Variants in KCNH1 observed in about 807,000 individuals in gnomAD.
KCNH1 encodes the protein potassium voltage-gated channel subfamily H member 1, also known as voltage-gated delayed rectifier potassium channel KCNH1.
In KCNH1, 27 loss-of-function variants were observed where a neutral mutation model predicts 69.2. The observed-to-expected ratio is 0.39, with a 90% confidence interval of 0.29 to 0.54. The LOEUF is 0.54. Ranked by LOEUF, KCNH1 falls within the 20% of genes least tolerant of loss-of-function variation. KCNH1 has a pLI of 0.68. For synonymous variants in KCNH1, 456 were observed against 487.7 expected, an observed-to-expected ratio of 0.93 and a Z score of 0.86; for missense variants, 798 against 1,261.6, an observed-to-expected ratio of 0.63 and a Z score of 5.57.
chr1:210,860,168 T>C (rs1354606744), intron 7 of KCNH1: 9 of 1,168,116 alleles, frequency 7.7e-6, no homozygotes, highest in South Asian at 1.2e-5. Context: ...AGAAGTGTCT[T>C]GGTATCAACT....
At chr1:210,900,514 C>T (rs944535069) in intron 7 of KCNH1, among the ~76,000 whole-genome samples, 4 of 152,174 alleles carry the variant, frequency 2.6e-5, no homozygotes, top group Non-Finnish European at 5.9e-5. Context: ...AGGTGTGAAG[C>T]ACTTGGGTAT....
intron 10 of KCNH1, among the ~76,000 whole-genome samples, chr1:210,735,455 TG>T (rs1682856184): frequency 6.8e-6 from 1 of 147,144 alleles, no homozygotes; most frequent in African/African-American, 2.6e-5. Flanking sequence ...TGTGTGTGTG[TG>T]TGTGTGTGTG....
intron 1 of KCNH1, among the ~76,000 whole-genome samples, chr1:211,119,083 G>A (rs1479738400): frequency 5.3e-5 from 8 of 152,130 alleles, no homozygotes; most frequent in Admixed American, 3.3e-4. Context: ...GTTTGAGGCC[G>A]GGCGCGGTGG....
At chr1:210,911,760 T>C (rs745778161) in intron 7 of KCNH1, among the ~76,000 whole-genome samples, 1 of 152,102 alleles carries the variant, frequency 6.6e-6, no homozygotes, top group Non-Finnish European at 1.5e-5. Context: ...TGTTGTAAAT[T>C]CCTCTGCCCA....
chr1:210,807,430 C>A (rs1427304141), intron 7 of KCNH1, among the ~76,000 whole-genome samples: 1 of 151,992 alleles, frequency 6.6e-6, no homozygotes, highest in Admixed American at 6.6e-5. Flanking sequence ...CATGGCAAAG[C>A]CCTGTCTCTA....
intron 6 of KCNH1, among the ~76,000 whole-genome samples, chr1:210,943,201 A>G (rs1033016929): frequency 3.9e-5 from 6 of 152,198 alleles, no homozygotes; most frequent in Admixed American, 2.0e-4. Context: ...CAATGAAATC[A>G]AAGTCTCCAT....
intron 6 of KCNH1, among the ~76,000 whole-genome samples, chr1:211,009,056 C>T (rs566373845): frequency 8.5e-5 from 13 of 152,260 alleles, no homozygotes; most frequent in Non-Finnish European, 1.8e-4. Context: ...TACCCCAAGG[C>T]CAGCAAGAGG....
chr1:210,918,265 A>T (rs1687388543), intron 7 of KCNH1, among the ~76,000 whole-genome samples: 1 of 152,236 alleles, frequency 6.6e-6, no homozygotes, highest in African/African-American at 2.4e-5. Flanking sequence ...TGGTCAGTAT[A>T]ACAATTTGTC....
intron 5 of KCNH1, among the ~76,000 whole-genome samples, chr1:211,039,122 G>A (rs1443769777): frequency 6.6e-6 from 1 of 152,208 alleles, no homozygotes; most frequent in African/African-American, 2.4e-5. Context: ...TTGGTGTCCT[G>A]TGTCCCAGCT....
At chr1:210,735,357 G>A (rs1262944546) in intron 10 of KCNH1, among the ~76,000 whole-genome samples, 1 of 151,774 alleles carries the variant, frequency 6.6e-6, no homozygotes, top group East Asian at 1.9e-4. Context: ...ATTCATCTCT[G>A]TATGTCTTTT....
intron 9 of KCNH1, among the ~76,000 whole-genome samples, chr1:210,784,430 C>T (rs1027896544): frequency 1.3e-5 from 2 of 152,140 alleles, no homozygotes; most frequent in East Asian, 1.9e-4. Flanking sequence ...AACTTGTTTT[C>T]GCATGTAAGT....
At chr1:210,855,835 A>G (rs1372831494) in intron 7 of KCNH1, among the ~76,000 whole-genome samples, 1 of 152,178 alleles carries the variant, frequency 6.6e-6, no homozygotes, top group African/African-American at 2.4e-5. Flanking sequence ...GCAGTGATTC[A>G]TTCCACCTGC....
chr1:211,075,107 T>C (rs1253052525), intron 5 of KCNH1, among the ~76,000 whole-genome samples: 1 of 151,938 alleles, frequency 6.6e-6, no homozygotes, highest in Non-Finnish European at 1.5e-5. Context: ...AGGGGAGAGA[T>C]GTAGGAGAGG....
chr1:210,902,135 G>C (rs1687008812), intron 7 of KCNH1, among the ~76,000 whole-genome samples: 1 of 152,138 alleles, frequency 6.6e-6, no homozygotes, highest in Non-Finnish European at 1.5e-5. Context: ...GAGGGAAGAG[G>C]AGAGGGCACC....
intron 7 of KCNH1, among the ~76,000 whole-genome samples, chr1:210,916,446 C>T (rs935743278): frequency 3.9e-5 from 6 of 152,184 alleles, no homozygotes; most frequent in Admixed American, 2.0e-4. Context: ...ACTACAACAA[C>T]AAACAAGCAA....
rs1681326110 is a variant in KCNH1 at position 210,683,503 on chromosome 1, G to A, written c.2748C>T (p.Pro916=). ...ILAEVKHSFY[P]IPEQTLQATV... is the part of the protein sequence containing the mutation. The stretch of plus-strand genomic sequence containing the variant: ...TGGCCTGCAGCGTCTGCTCAGGGAT[G>A]GGGTAGAACGAATGCTTGACCTCTG... The change falls in exon 11 of 11, where the codon CCC becomes CCT. Residue 916 remains proline (P), a synonymous_variant. Coordinates refer to ENST00000271751, the MANE Select transcript of KCNH1 (RefSeq NM_172362.3). The surrounding 1 kb of genome is among the most constrained non-coding windows in gnomAD (Gnocchi z 5.7). 1.2e-6 allele frequency: 2 copies of A among 1,614,046 alleles called. No homozygotes were observed. The highest frequency in any genetic ancestry group is 8.5e-7 in the Non-Finnish European group (1 of 1,180,022).
At chr1:211,065,492 T>C (rs2102453067) in intron 5 of KCNH1, among the ~76,000 whole-genome samples, 1 of 152,030 alleles carries the variant, frequency 6.6e-6, no homozygotes, top group Non-Finnish European at 1.5e-5. Flanking sequence ...AGAGGGAAGG[T>C]TGGGGATGAT....
intron 6 of KCNH1, among the ~76,000 whole-genome samples, chr1:210,966,477 G>T (rs753026308): frequency 1.1e-4 from 17 of 152,032 alleles, no homozygotes; most frequent in Non-Finnish European, 2.2e-4. Context: ...ATTTTTGCAA[G>T]CTACTCATCT....
intron 6 of KCNH1, among the ~76,000 whole-genome samples, chr1:210,963,966 G>A (rs975649567): frequency 6.6e-6 from 1 of 152,060 alleles, no homozygotes; most frequent in Non-Finnish European, 1.5e-5. Context: ...TCCTTGAGAA[G>A]AGCAACTCCA....
Sources: gnomAD v4.1 joint callset for allele counts (sites outside exome capture counted in the v4.1 genomes callset) on GRCh38, gnomAD v4.1.1 for gene constraint, Gnocchi (gnomAD v3.1) non-coding constraint, MANE v1.5 for transcripts, NCBI Gene and HGNC (gene_info 2026-07-23, HGNC 2026-07-21) for gene names.